Variants in BOK observed in about 807,000 individuals in gnomAD.
BOK encodes bcl-2-related ovarian killer protein.
In BOK, 20 loss-of-function variants were observed where a neutral mutation model predicts 18.3. That is an observed-to-expected ratio of 1.09 (90% CI 0.77 to 1.59). The LOEUF is 1.59. BOK is among the 40% of genes most tolerant of loss of function. The pLI, the probability that BOK is intolerant of heterozygous loss-of-function variation, is 0.00. For missense variants in BOK, 348 were observed against 307.9 expected (o/e 1.13, Z -0.97); for synonymous variants, 173 against 142.4 (o/e 1.21, Z -1.53).
Position 241,559,558 on chromosome 2 carries a change from G to A in BOK, c.75G>A (p.Lys25=). The part of the protein sequence containing the change: ...MDAFDRSPTD[K]ELVAQAKALG... ...CCTTTGACCGCTCGCCCACAGACAA[G>A]GAGCTGGTGGCCCAGGCCAAGGCGC... Residue 25 remains lysine, a synonymous_variant, in exon 2 of 5, where the codon AAG becomes AAA. Coordinates refer to ENST00000318407, the MANE Select transcript of BOK (RefSeq NM_032515.5). The A allele has an allele frequency of 1.3e-6, 2 of 1,528,722 alleles. No individual in the cohort carries two copies. Among genetic ancestry groups the A allele is most frequent in the South Asian group, 1.2e-5 (1 of 82,394 alleles). 94.7% of individuals were successfully genotyped at this position (1,528,722 alleles called of 1,614,324 possible). A position where few individuals can be genotyped will look rare whatever the true frequency, so the allele number is the denominator to read the frequency against.
chr2:241,560,874 ACAGCT>A (rs144239585), intron 2 of BOK, among the ~76,000 whole-genome samples: 4,228 of 152,308 alleles, frequency 0.028, 78 homozygotes, highest in Admixed American at 0.043. Flanking sequence ...CCAGAGGGAC[ACAGCT>A]CAGACCTGCA....
chr2:241,571,491 CGGGGGCTGT>C (rs2066718704), intron 4 of BOK, among the ~76,000 whole-genome samples: 1 of 152,148 alleles, frequency 6.6e-6, no homozygotes, highest in Non-Finnish European at 1.5e-5. Flanking sequence ...ACGTGGTCTG[CGGGGGCTGT>C]GGTCTCCTCT....
At position 241,572,306 on chromosome 2, in the gene BOK, C is replaced by T. The variant is rs1479783708; in HGVS notation, c.523C>T (p.Leu175Phe). 1 of 1,611,610 alleles carries T rather than the reference C, an allele frequency of 6.2e-7. No individual in the cohort carries two copies. The highest frequency in any genetic ancestry group is 8.5e-7 in the Non-Finnish European group (1 of 1,179,870). ...CCCTCTTCCCTCCCAGACTGATGTCCTCAAGTGTGTGGTCAGCACAGACCC... is the reference window on the plus strand; with the variant it reads ...CCCTCTTCCCTCCCAGACTGATGTCTTCAAGTGTGTGGTCAGCACAGACCC... ...LRRRGGWTDV[L>F]KCVVSTDPGL... Residue 175 changes from leucine to phenylalanine, a missense_variant, in exon 5 of 5, where the codon CTC becomes TTC. By Grantham distance (22) the Leu-to-Phe change is conservative. Coordinates refer to ENST00000318407, the MANE Select transcript of BOK (RefSeq NM_032515.5).
chr2:241,554,746 G>T (rs576726279), upstream of BOK, among the ~76,000 whole-genome samples: 93 of 152,356 alleles, frequency 6.1e-4, no homozygotes, highest in African/African-American at 2.2e-3. Context: ...AGCCATCACA[G>T]GGGAGCACAG....
At chr2:241,564,653 C>T (rs923397457) in intron 3 of BOK, among the ~76,000 whole-genome samples, 2 of 152,136 alleles carry the variant, frequency 1.3e-5, no homozygotes, top group African/African-American at 4.8e-5. Flanking sequence ...CCCGCCCCTC[C>T]TGCCGCCAGG....
At position 241,559,455 on chromosome 2, in the gene BOK, G is replaced by T. The variant is rs959835553; in HGVS notation, c.-29G>T. ...CCCGGCTGAGCGCTTGTGCCCGCAG[G>T]TGCGGCGCCCCCCACCCGCGTCGCC... On this transcript the variant is annotated splice_region_variant and 5_prime_UTR_variant, in exon 2 of 5. Coordinates refer to ENST00000318407, the MANE Select transcript of BOK (RefSeq NM_032515.5). The T allele has an allele frequency of 1.1e-5, 16 of 1,423,294 alleles. No individual in the cohort carries two copies. In the African/African-American group the frequency reaches 2.1e-4, roughly 19 times the overall value. The allele number at this position is 1,423,294 out of a possible 1,614,324, so 88.2% of individuals were successfully genotyped here. A position where few individuals can be genotyped will look rare whatever the true frequency, so the allele number is the denominator to read the frequency against.
chr2:241,562,321 C>G lies in BOK; in HGVS notation c.221-27C>G, dbSNP rs772465016. 1.3e-6 allele frequency: 2 copies of G among 1,572,032 alleles called. No homozygotes were observed. Among genetic ancestry groups the G allele is most frequent in the African/African-American group, 2.7e-5 (2 of 74,296 alleles). On this transcript the variant is annotated intron_variant, in intron 2 of 4. Coordinates refer to ENST00000318407, the MANE Select transcript of BOK (RefSeq NM_032515.5). This position sits in a 1 kb window ranked among gnomAD's most constrained non-coding sequence, Gnocchi z 4.5. ...CCCAGGAAGCTGGGACGTGGGCTGCCTCTCACCTGCTCTTGTGACCACACA... is the reference window on the plus strand; with the variant it reads ...CCCAGGAAGCTGGGACGTGGGCTGCGTCTCACCTGCTCTTGTGACCACACA...
chr2:241,571,207 C>G (rs578143785), intron 4 of BOK, among the ~76,000 whole-genome samples: 186 of 150,746 alleles, frequency 1.2e-3, no homozygotes, highest in Middle Eastern at 3.5e-3. Flanking sequence ...TGCCCCAGCC[C>G]CCGCCCTCCC....
intron 1 of BOK, among the ~76,000 whole-genome samples, chr2:241,552,694 T>A (rs77278412): frequency 0.16 from 24,541 of 152,210 alleles, 2,650 homozygotes; most frequent in Non-Finnish European, 0.24. Context: ...ATTCCACTTT[T>A]AAACGCTGAC....
chr2:241,559,545 C>A lies in BOK; in HGVS notation c.62C>A (p.Ser21Ter), dbSNP rs866980549. The change falls in exon 2 of 5, where the codon TCG (serine) becomes TAG (stop). Residue 21 changes from serine to a stop codon, truncating the protein, a stop_gained. Transcript: ENST00000318407. LOFTEE classifies it high-confidence loss of function. ...AAEIMDAFDRSPTDKELVAQA... is the reference protein window; with the variant it reads ...AAEIMDAFDR ...GAGATCATGGACGCCTTTGACCGCTCGCCCACAGACAAGGAGCTGGTGGCC... is the reference window on the plus strand; with the variant it reads ...GAGATCATGGACGCCTTTGACCGCTAGCCCACAGACAAGGAGCTGGTGGCC... 1 of 1,526,042 alleles carries A rather than the reference C, an allele frequency of 6.6e-7. No individual in the cohort carries two copies. The highest frequency in any genetic ancestry group is 8.7e-7 in the Non-Finnish European group (1 of 1,145,836). The allele number at this position is 1,526,042 out of a possible 1,614,324, so 94.5% of individuals were successfully genotyped here.
Position 241,572,493 on chromosome 2 carries a change from C to T in BOK, c.*71C>T. On this transcript the variant is annotated 3_prime_UTR_variant, in exon 5 of 5. Transcript: ENST00000318407. ...GCAGGAGGCCCTCAGCACCCGAACA[C>T]ATCTTCCTCCTCCCCACCCGAGCCT... is the stretch of plus-strand genomic sequence containing the variant. 1 of 1,533,614 alleles carries T rather than the reference C, an allele frequency of 6.5e-7. No homozygotes were observed. Among genetic ancestry groups the T allele is most frequent in the Non-Finnish European group, 8.7e-7 (1 of 1,143,324 alleles).
intron 3 of BOK, among the ~76,000 whole-genome samples, chr2:241,569,078 G>A (rs1015072900): frequency 5.3e-5 from 8 of 152,194 alleles, no homozygotes; most frequent in African/African-American, 1.9e-4. Context: ...TCCCACCAAG[G>A]TTTACAAGGC....
Position 241,570,166 on chromosome 2 carries a change from G to A in BOK, c.391G>A (p.Ala131Thr), listed in dbSNP as rs141191357. Residue 131 changes from alanine (A) to threonine (T), a missense_variant, in exon 4 of 5, where the codon GCG becomes ACG. Ala to Thr is a moderately conservative substitution (Grantham distance 58). Coordinates refer to ENST00000318407, the MANE Select transcript of BOK (RefSeq NM_032515.5). ...GKVVSLYAVA[A>T]GLAVDCVRQA... ...GGTGGTGTCCCTGTATGCGGTGGCC[G>A]CGGGGCTGGCCGTGGACTGTGTGAG... 9.1e-5 allele frequency: 147 copies of A among 1,610,980 alleles called. No homozygotes were observed. The highest frequency in any genetic ancestry group is 1.1e-4 in the Non-Finnish European group (124 of 1,179,240).
intron 3 of BOK, among the ~76,000 whole-genome samples, chr2:241,568,931 C>T (rs1041606227): frequency 1.3e-5 from 2 of 152,142 alleles, no homozygotes; most frequent in African/African-American, 4.8e-5. Context: ...TTTGCATGTA[C>T]AGTGTCCTCA....
In BOK at chr2:241,562,323, C is replaced by G; in HGVS notation, c.221-25C>G. 3 of 1,573,602 alleles carry G rather than the reference C, an allele frequency of 1.9e-6. No individual in the cohort carries two copies. Among genetic ancestry groups the G allele is most frequent in the Non-Finnish European group, 1.7e-6 (2 of 1,159,450 alleles). ...CAGGAAGCTGGGACGTGGGCTGCCT[C>G]TCACCTGCTCTTGTGACCACACAGG... On this transcript the variant is annotated intron_variant, in intron 2 of 4. Coordinates refer to ENST00000318407, the MANE Select transcript of BOK (RefSeq NM_032515.5). The surrounding 1 kb of genome is among the most constrained non-coding windows in gnomAD (Gnocchi z 4.5).
Position 241,562,480 on chromosome 2 carries a change from T to C in BOK, c.349+4T>C, listed in dbSNP as rs1434750231. ...GCTGGCCACATCTTCTCTGCAGGTA[T>C]GCCCAGCCTGCCCGTCCCATGGGAC... On this transcript the variant is annotated splice_donor_region_variant and intron_variant, in intron 3 of 4. Transcript: ENST00000318407. The surrounding 1 kb of genome is among the most constrained non-coding windows in gnomAD (Gnocchi z 4.5). The C allele has an allele frequency of 3.1e-6, 5 of 1,604,104 alleles. No homozygotes were observed. Among genetic ancestry groups the C allele is most frequent in the African/African-American group, 2.7e-5 (2 of 74,788 alleles).
Position 241,559,609 on chromosome 2 carries a change from GC to G in BOK, c.127del (p.Leu43CysfsTer37). 6.8e-7 allele frequency: 1 copy of G among 1,478,902 alleles called. No homozygotes were observed. The highest frequency in any genetic ancestry group is 1.5e-5 in the African/African-American group (1 of 68,452). The allele number at this position is 1,478,902 out of a possible 1,614,324, so 91.6% of individuals were successfully genotyped here. On this transcript the variant is annotated frameshift_variant, in exon 2 of 5. Transcript: ENST00000318407. LOFTEE classifies it high-confidence loss of function. The stretch of plus-strand genomic sequence containing the variant: ...TGGGCCGGGAGTACGTGCACGCGCG[GC>G]TGCTGCGCGCCGGCCTCTCCTGGAG... ...ALGREYVHARLLRAGLSWSAP... is the reference protein window; with the variant it reads ...ALGREYVHARXLRAGLSWSAP...
chr2:241,552,104 C>G (rs1248102769), intron 1 of BOK, among the ~76,000 whole-genome samples: 3 of 152,148 alleles, frequency 2.0e-5, no homozygotes, highest in Admixed American at 6.5e-5. Flanking sequence ...GCGGCTGGGA[C>G]GGGGTGGCAA....
chr2:241,567,297 T>G (rs2066631502), intron 3 of BOK, among the ~76,000 whole-genome samples: 1 of 133,328 alleles, frequency 7.5e-6, no homozygotes, highest in African/African-American at 3.0e-5. Flanking sequence ...TGGCTAATGT[T>G]TGTATTTTTA....
Sources: gnomAD v4.1 joint callset for allele counts (sites outside exome capture counted in the v4.1 genomes callset) on GRCh38, gnomAD v4.1.1 for gene constraint, Gnocchi (gnomAD v3.1) non-coding constraint, MANE v1.5 for transcripts, NCBI Gene and HGNC (gene_info 2026-07-23, HGNC 2026-07-21) for gene names.